PRELID2: variants seen among roughly 807,000 people sequenced by gnomAD.
PRELID2 encodes PRELI domain containing 2, also known as PRELI domain-containing protein 2.
A neutral mutation model predicts 28.4 loss-of-function variants in PRELID2; 25 were observed. The ratio of observed to expected loss-of-function variants is 0.88; its 90% CI spans 0.64 to 1.23. PRELID2 has a LOEUF of 1.23. Ranked by LOEUF, PRELID2 falls within the 50% of genes most tolerant of loss-of-function variation. PRELID2 has a pLI of 0.00. For synonymous variants in PRELID2, 76 were observed against 71.6 expected, an observed-to-expected ratio of 1.06 and a Z score of -0.31; for missense variants, 201 against 214.4, an observed-to-expected ratio of 0.94 and a Z score of 0.39.
At chr5:145,282,209 T>A in the PRELID2 span, among the ~76,000 whole-genome samples, 1 of 152,202 alleles carries the variant, frequency 6.6e-6, no homozygotes, top group Non-Finnish European at 1.5e-5. Context: ...ACCTTGAAGT[T>A]GAAATGATTG....
chr5:145,483,888 T>A (rs554232769), intron 1 of PRELID2, among the ~76,000 whole-genome samples: 90 of 152,354 alleles, frequency 5.9e-4, no homozygotes, highest in Non-Finnish European at 1.1e-3. Context: ...AGTGTTTCCC[T>A]TGTCTGTGTC....
chr5:145,627,097 C>CAAAA lies in PRELID2; in HGVS notation n.70+137830_70+137833dup, dbSNP rs745309247. Among the ~76,000 whole-genome samples, 109 of 41,820 alleles carry CAAAA rather than the reference C, an allele frequency of 2.6e-3. 9 individuals are homozygous for CAAAA. Among genetic ancestry groups the CAAAA allele is most frequent in the South Asian group, 3.5e-3 (3 of 864 alleles). 27.4% of individuals were successfully genotyped at this position (41,820 alleles called of 152,430 possible). On this transcript the variant is annotated intron_variant and non_coding_transcript_variant, in intron 1 of 2. Transcript: ENST00000510259. The stretch of plus-strand genomic sequence containing the variant: ...CCTGGGTGACAGAGTAAGACTCTCC[C>CAAAA]AAAAAAAAAAAAAAAAAAAAAAAAA...
At chr5:145,229,583 G>A in the PRELID2 span, 125 of 1,444,270 alleles carry the variant, frequency 8.7e-5, 1 homozygote, top group East Asian at 2.2e-3. Flanking sequence ...GTACCTGAAC[G>A]AAGTTGCAGG....
At chr5:145,597,196 T>C (rs149141321) in intron 1 of PRELID2, among the ~76,000 whole-genome samples, 1 of 152,346 alleles carries the variant, frequency 6.6e-6, no homozygotes, top group Non-Finnish European at 1.5e-5. Context: ...ATTATAAGGC[T>C]TCTACAAAGA....
At chr5:145,486,729 G>A (rs1752221862) in intron 1 of PRELID2, among the ~76,000 whole-genome samples, 1 of 152,074 alleles carries the variant, frequency 6.6e-6, no homozygotes, top group African/African-American at 2.4e-5. Flanking sequence ...AGTCATAGTG[G>A]TAGTTTCTAC....
intron 4 of PRELID2, among the ~76,000 whole-genome samples, chr5:145,813,794 A>T (rs1754109352): frequency 6.6e-6 from 1 of 152,202 alleles, no homozygotes; most frequent in Non-Finnish European, 1.5e-5. Context: ...GAAAAAAAAA[A>T]ATTTAACTGG....
the PRELID2 span, among the ~76,000 whole-genome samples, chr5:145,369,231 G>GT: frequency 6.6e-6 from 1 of 151,882 alleles, no homozygotes; most frequent in African/African-American, 2.4e-5. Context: ...TGACACAGTA[G>GT]TTTGCTGCAC....
At chr5:145,505,946 A>G (rs192966331) in intron 1 of PRELID2, among the ~76,000 whole-genome samples, 86 of 152,310 alleles carry the variant, frequency 5.6e-4, no homozygotes, top group Middle Eastern at 6.8e-3. Flanking sequence ...TAAAAAGTCA[A>G]ACTCATAGAA....
At chr5:145,810,710 A>T (rs1753867102) in intron 4 of PRELID2, among the ~76,000 whole-genome samples, 1 of 152,338 alleles carries the variant, frequency 6.6e-6, no homozygotes, top group East Asian at 1.9e-4. Context: ...CAAAACACTA[A>T]TATCTGCTGA....
At chr5:145,522,091 A>G (rs1280720488) in intron 1 of PRELID2, among the ~76,000 whole-genome samples, 2 of 152,222 alleles carry the variant, frequency 1.3e-5, no homozygotes, top group African/African-American at 2.4e-5. Flanking sequence ...ATCAAAAGAT[A>G]AAACTATTAA....
At chr5:145,743,948 C>T (rs1756915430) in intron 1 of PRELID2, among the ~76,000 whole-genome samples, 3 of 152,330 alleles carry the variant, frequency 2.0e-5, no homozygotes, top group East Asian at 1.9e-4. Flanking sequence ...GGAAGGGCAG[C>T]GCCCATCTCC....
At chr5:145,306,621 A>G in the PRELID2 span, among the ~76,000 whole-genome samples, 1 of 152,196 alleles carries the variant, frequency 6.6e-6, no homozygotes, top group African/African-American at 2.4e-5. Flanking sequence ...ACAGTTGAGT[A>G]AATCATATTT....
chr5:145,527,871 G>A (rs1030108921), intron 1 of PRELID2, among the ~76,000 whole-genome samples: 3 of 152,050 alleles, frequency 2.0e-5, no homozygotes, highest in Admixed American at 6.6e-5. Flanking sequence ...TAAGCACCCC[G>A]AAAGTGTTAA....
chr5:145,374,905 C>T, the PRELID2 span, among the ~76,000 whole-genome samples: 1 of 152,110 alleles, frequency 6.6e-6, no homozygotes, highest in Non-Finnish European at 1.5e-5. Flanking sequence ...AGGTTCTTAG[C>T]TTCTTTGCAT....
intron 5 of PRELID2, among the ~76,000 whole-genome samples, chr5:145,783,049 G>A (rs981324509): frequency 2.6e-5 from 4 of 152,220 alleles, no homozygotes; most frequent in Non-Finnish European, 5.9e-5. Context: ...GCATCTCACC[G>A]CACTGTGTGG....
the PRELID2 span, among the ~76,000 whole-genome samples, chr5:145,371,236 T>C: frequency 2.0e-5 from 3 of 152,174 alleles, no homozygotes. Context: ...TTCAATATGA[T>C]ATTGGCTGTG....
chr5:145,724,380 T>A (rs1417522704), intron 1 of PRELID2, among the ~76,000 whole-genome samples: 1 of 151,300 alleles, frequency 6.6e-6, no homozygotes. Flanking sequence ...GGGTCTGAGA[T>A]AATGAAAGGA....
At chr5:145,527,710 C>A (rs907117412) in intron 1 of PRELID2, among the ~76,000 whole-genome samples, 1 of 152,180 alleles carries the variant, frequency 6.6e-6, no homozygotes, top group African/African-American at 2.4e-5. Context: ...TTCCAAAACT[C>A]TACCACTCAC....
chr5:145,549,836 A>G (rs1455997748), intron 1 of PRELID2, among the ~76,000 whole-genome samples: 2 of 152,066 alleles, frequency 1.3e-5, no homozygotes, highest in African/African-American at 2.4e-5. Context: ...ACCACTGAAT[A>G]TAACTTTAGA....
Sources: gnomAD v4.1 joint callset for allele counts (sites outside exome capture counted in the v4.1 genomes callset) on GRCh38, gnomAD v4.1.1 for gene constraint, MANE v1.5 for transcripts, NCBI Gene and HGNC (gene_info 2026-07-23, HGNC 2026-07-21) for gene names.